The following DRG2 variants were observed in gnomAD, a reference collection of about 807,000 sequenced individuals.
DRG2 encodes developmentally-regulated GTP-binding protein 2.
DRG2 carries 36 observed loss-of-function variants against 53.4 expected under a neutral mutation model. The observed-to-expected ratio is 0.67, with a 90% CI of 0.52 to 0.89. The LOEUF (loss-of-function observed/expected upper bound fraction) is 0.89. Ranked by LOEUF, DRG2 falls within the 40% of genes least tolerant of loss-of-function variation. The pLI, the probability that DRG2 is intolerant of heterozygous loss-of-function variation, is 0.00. For missense variants in DRG2, 342 were observed against 481.2 expected, an observed-to-expected ratio of 0.71 and a Z score of 2.71; for synonymous variants, 167 against 192.1, an observed-to-expected ratio of 0.87 and a Z score of 1.08.
chr17:18,106,231 G>T, intron 11 of DRG2: 1 of 601,674 alleles, frequency 1.7e-6, no homozygotes, highest in South Asian at 1.9e-5. Flanking sequence ...AGTGGGAATG[G>T]CAGGGCCACC....
chr17:18,098,301 C>A lies in DRG2; in HGVS notation c.257C>A (p.Ala86Asp), dbSNP rs377174144. The A allele has an allele frequency of 7.4e-6, 12 of 1,613,908 alleles. No individual in the cohort carries two copies. In the African/African-American group the frequency reaches 1.5e-4, roughly 20 times the overall value. Residue 86 changes from alanine (A) to aspartate (D), a missense_variant, in exon 3 of 13, where the codon GCC becomes GAC. Transcript: ENST00000225729. This position sits in a 1 kb window ranked among gnomAD's most constrained non-coding sequence, Gnocchi z 4.1. ...STFLSLMTST[A>D]SEAASYEFTT... is the part of the protein sequence containing the mutation. ...TTCTTGAGTCTGATGACCTCCACGG[C>A]CAGCGAGGCAGCGTCCTATGAGTTC...
In DRG2 at chr17:18,103,895, T is replaced by G. The variant is rs777186413; in HGVS notation, c.895+6T>G. On this transcript the variant is annotated splice_donor_region_variant and intron_variant, in intron 10 of 12. Coordinates refer to ENST00000225729, the MANE Select transcript of DRG2 (RefSeq NM_001388.5). The surrounding 1 kb of genome is among the most constrained non-coding windows in gnomAD (Gnocchi z 4.4). ...CTACACCAAGAAGAGAGGACGTGAG[T>G]TGCACTGCGCGTAGCTGAAAAACAG... 1.2e-6 allele frequency: 2 copies of G among 1,613,626 alleles called. No homozygotes were observed. Among genetic ancestry groups the G allele is most frequent in the South Asian group, 2.2e-5 (2 of 91,064 alleles).
intron 1 of DRG2, among the ~76,000 whole-genome samples, chr17:18,093,164 T>A (rs1342596445): frequency 2.6e-5 from 4 of 152,214 alleles, no homozygotes; most frequent in Non-Finnish European, 5.9e-5. Context: ...CTGGTTTCCC[T>A]GCCCCCTGCC....
At chr17:18,106,517 G>GGTAGAC (rs1567608042) in intron 12 of DRG2, 31 bp downstream of exon 12, 1 of 1,613,284 alleles carries the variant, frequency 6.2e-7, no homozygotes, top group East Asian at 2.2e-5. Flanking sequence ...CAACCAGGGG[G>GGTAGAC]GTAGACCCAG....
chr17:18,096,265 C>G (rs1467857670), intron 2 of DRG2: 2 of 152,188 alleles, frequency 1.3e-5, no homozygotes, highest in Admixed American at 1.3e-4. Flanking sequence ...TGACTGTGTG[C>G]AGTCCAATTC....
intron 11 of DRG2, 50 bp downstream of exon 11, chr17:18,104,731 T>C (rs1331758847): frequency 6.2e-7 from 1 of 1,612,928 alleles, no homozygotes; most frequent in East Asian, 2.2e-5. Context: ...CTGCATGCCC[T>C]TTGGGGCTCT....
chr17:18,102,382 G>T (rs889633918), intron 9 of DRG2, among the ~76,000 whole-genome samples: 1 of 152,146 alleles, frequency 6.6e-6, no homozygotes, highest in East Asian at 1.9e-4. Flanking sequence ...CAGCACTTTG[G>T]GGGGCTGTGG....
intron 1 of DRG2, among the ~76,000 whole-genome samples, chr17:18,093,173 C>A: frequency 6.6e-6 from 1 of 152,160 alleles, no homozygotes; most frequent in East Asian, 1.9e-4. Flanking sequence ...CTGCCCCCTG[C>A]CCAATAGATG....
intron 1 of DRG2, among the ~76,000 whole-genome samples, chr17:18,092,914 G>C (rs1008422572): frequency 5.9e-5 from 9 of 152,228 alleles, no homozygotes; most frequent in Admixed American, 2.6e-4. Flanking sequence ...TCTAGGTAAA[G>C]TTTCAGACAA....
intron 1 of DRG2, among the ~76,000 whole-genome samples, chr17:18,093,418 A>G (rs903293830): frequency 1.3e-5 from 2 of 151,666 alleles, no homozygotes; most frequent in African/African-American, 4.9e-5. Context: ...CTCCTGGGTC[A>G]AGTGATTCTT....
rs1425887153 is a variant in DRG2 at position 18,098,156 on chromosome 17, G to A, written c.226-114G>A. 7.4e-6 allele frequency: 6 copies of A among 808,054 alleles called. No individual in the cohort carries two copies. In the South Asian group the frequency reaches 7.6e-5, roughly 10 times the overall value. 50.1% of individuals were successfully genotyped at this position (808,054 alleles called of 1,614,324 possible). A position where few individuals can be genotyped will look rare whatever the true frequency, so the allele number is the denominator to read the frequency against. ...TCACAGCCACCTAGGTCACCAAGCC[G>A]AGGGTGAGAGGGTCTCCTCCTGCTG... is the stretch of plus-strand genomic sequence containing the variant. On this transcript the variant is annotated intron_variant, in intron 2 of 12. Coordinates refer to ENST00000225729, the MANE Select transcript of DRG2 (RefSeq NM_001388.5). This position sits in a 1 kb window ranked among gnomAD's most constrained non-coding sequence, Gnocchi z 4.1.
At chr17:18,094,225 T>G (rs892958775) in intron 2 of DRG2, 10 of 460,866 alleles carry the variant, frequency 2.2e-5, no homozygotes, top group South Asian at 1.8e-4. Context: ...AGTGTGTATC[T>G]CTAGCGGTGT....
chr17:18,092,552 C>T (rs1597716763), intron 1 of DRG2, among the ~76,000 whole-genome samples: 2 of 152,000 alleles, frequency 1.3e-5, no homozygotes, highest in East Asian at 3.9e-4. Context: ...TCAACGACGG[C>T]CTCCTTTTAG....
intron 12 of DRG2, 83 bp downstream of exon 12, chr17:18,106,569 T>C (rs2045637532): frequency 8.1e-6 from 12 of 1,483,410 alleles, no homozygotes; most frequent in Middle Eastern, 1.7e-4. Flanking sequence ...ATTCACACTC[T>C]CTGCGTGGTG....
chr17:18,102,117 C>A, intron 9 of DRG2, 120 bp downstream of exon 9: 1 of 1,035,576 alleles, frequency 9.7e-7, no homozygotes, highest in Non-Finnish European at 1.4e-6. Flanking sequence ...TCCAGCAGCA[C>A]ACAGCCGTCA....
intron 1 of DRG2, among the ~76,000 whole-genome samples, chr17:18,091,105 A>C (rs1455499896): frequency 6.6e-6 from 1 of 152,166 alleles, no homozygotes; most frequent in African/African-American, 2.4e-5. Flanking sequence ...GGAGTCAGGG[A>C]AGTAAAGAAA....
Position 18,100,150 on chromosome 17 carries a change from G to T in DRG2, c.468-213G>T, listed in dbSNP as rs1200930418. 2 of 612,464 alleles carry T rather than the reference G, an allele frequency of 3.3e-6. No individual in the cohort carries two copies. The highest frequency in any genetic ancestry group is 5.8e-6 in the Non-Finnish European group (2 of 347,678). The allele number at this position is 612,464 out of a possible 1,614,324, so 37.9% of individuals were successfully genotyped here. ...CACCACTTGCCTGTGCATGCCGACC[G>T]TAAACCGGGCCAGTCCCCTCTGGGA... On this transcript the variant is annotated intron_variant, in intron 5 of 12. Transcript: ENST00000225729. The surrounding 1 kb of genome is among the most constrained non-coding windows in gnomAD (Gnocchi z 4.1).
chr17:18,102,132 G>C (rs2045549196), intron 9 of DRG2, 135 bp downstream of exon 9: 5 of 906,662 alleles, frequency 5.5e-6, no homozygotes, highest in South Asian at 4.7e-5. Context: ...CCGTCACGGA[G>C]CCCAGGACTT....
At chr17:18,095,337 A>C (rs1337005179) in intron 2 of DRG2, 2 of 151,298 alleles carry the variant, frequency 1.3e-5, no homozygotes, top group Non-Finnish European at 2.9e-5. Flanking sequence ...TGAGGAATAA[A>C]ATAAACATCA....
Sources: allele counts gnomAD v4.1 joint callset (sites outside exome capture counted in the v4.1 genomes callset), GRCh38; gene constraint gnomAD v4.1.1; non-coding constraint Gnocchi (gnomAD v3.1); transcripts MANE v1.5; gene names NCBI Gene and HGNC (gene_info 2026-07-23, HGNC 2026-07-21).